Variants in NRP1 observed in about 807,000 individuals in gnomAD.
The protein encoded by NRP1 is neuropilin-1.
A neutral mutation model predicts 106.7 loss-of-function variants in NRP1; 35 were observed. The ratio of observed to expected loss-of-function variants is 0.33; its 90% CI spans 0.25 to 0.43. NRP1 has a LOEUF of 0.43. Among genes scored for constraint, NRP1 ranks in the 20% least tolerant of loss-of-function variants. The pLI is 1.00. For synonymous variants in NRP1, 437 were observed against 417.9 expected (o/e 1.05, Z -0.56); for missense variants, 1,024 against 1,170.4 (o/e 0.87, Z 1.83).
At chr10:33,258,006 C>CCTTT (rs1842318132) in intron 4 of NRP1, among the ~76,000 whole-genome samples, 2 of 152,132 alleles carry the variant, frequency 1.3e-5, no homozygotes, top group South Asian at 4.2e-4. Context: ...GAGGGAGGGG[C>CCTTT]CTTTAACAGG....
intron 5 of NRP1, 82 bp from the exon 6 acceptor site, chr10:33,254,276 A>G: frequency 1.6e-6 from 2 of 1,244,328 alleles, no homozygotes; most frequent in East Asian, 4.7e-5. Context: ...GATACACCAA[A>G]GAGTTCTTTC....
intron 6 of NRP1, among the ~76,000 whole-genome samples, chr10:33,236,748 T>C (rs1840586540): frequency 6.6e-6 from 1 of 152,202 alleles, no homozygotes; most frequent in Non-Finnish European, 1.5e-5. Context: ...GGTAGCAGAA[T>C]TGGTGATCTC....
At chr10:33,314,631 T>A (rs1406546351) in intron 2 of NRP1, among the ~76,000 whole-genome samples, 1 of 152,036 alleles carries the variant, frequency 6.6e-6, no homozygotes, top group Non-Finnish European at 1.5e-5. Flanking sequence ...CATGAACACA[T>A]TGTGCCACAC....
intron 12 of NRP1, 74 bp from the exon 13 acceptor site, chr10:33,192,492 CCTTGGTTCA>C: frequency 6.6e-7 from 1 of 1,504,712 alleles, no homozygotes; most frequent in South Asian, 1.2e-5. Context: ...TCACAAAGGC[CCTTGGTTCA>C]CTCATGGAAA....
intron 6 of NRP1, among the ~76,000 whole-genome samples, chr10:33,242,191 C>T (rs1175503587): frequency 1.3e-5 from 2 of 152,096 alleles, no homozygotes; most frequent in Non-Finnish European, 2.9e-5. Context: ...ATGTAAGATG[C>T]TCAATAAATG....
intron 2 of NRP1, among the ~76,000 whole-genome samples, chr10:33,327,566 A>G (rs2132941421): frequency 6.6e-6 from 1 of 152,280 alleles, no homozygotes; most frequent in East Asian, 1.9e-4. Flanking sequence ...ATAAAGTACA[A>G]AAAAACCCTA....
At chr10:33,263,951 C>G in intron 3 of NRP1, 78 bp from the exon 4 acceptor site, 1 of 900,124 alleles carries the variant, frequency 1.1e-6, no homozygotes, top group East Asian at 2.4e-5. Context: ...TGGGTAAAGA[C>G]AGAACATCTT....
chr10:33,225,185 G>C (rs1389084064), intron 7 of NRP1, among the ~76,000 whole-genome samples: 3 of 152,124 alleles, frequency 2.0e-5, no homozygotes, highest in Non-Finnish European at 4.4e-5. Context: ...CATCTTGCCT[G>C]CCCTGTCCGA....
chr10:33,197,532 C>T (rs1051149641), intron 12 of NRP1, 118 bp downstream of exon 12: 3 of 637,336 alleles, frequency 4.7e-6, no homozygotes, highest in South Asian at 2.9e-5. Context: ...GCTTGGAGAC[C>T]AGATGCTGTG....
intron 6 of NRP1, among the ~76,000 whole-genome samples, chr10:33,238,637 A>T (rs1318166692): frequency 3.3e-5 from 5 of 152,216 alleles, no homozygotes; most frequent in African/African-American, 1.2e-4. Context: ...TGATGCAGGC[A>T]GCATATGGTG....
intron 2 of NRP1, among the ~76,000 whole-genome samples, chr10:33,279,940 T>C (rs75731135): frequency 0.037 from 5,703 of 152,286 alleles, 166 homozygotes; most frequent in Non-Finnish European, 0.061. Context: ...ATAGGCATTG[T>C]TCACAATGAA....
chr10:33,276,880 G>A (rs1843734298), intron 2 of NRP1, among the ~76,000 whole-genome samples: 1 of 152,070 alleles, frequency 6.6e-6, no homozygotes, highest in African/African-American at 2.4e-5. Context: ...AAAGACATAT[G>A]TCCCATAATT....
At chr10:33,217,662 T>G (rs1838885584) in intron 8 of NRP1, among the ~76,000 whole-genome samples, 1 of 152,220 alleles carries the variant, frequency 6.6e-6, no homozygotes, top group Non-Finnish European at 1.5e-5. Flanking sequence ...AATTTTTTAG[T>G]ACACATATGT....
chr10:33,285,432 CAAAT>C (rs1321943855), intron 2 of NRP1, among the ~76,000 whole-genome samples: 1 of 152,198 alleles, frequency 6.6e-6, no homozygotes, highest in African/African-American at 2.4e-5. Context: ...TGATGAAAGA[CAAAT>C]CATGACATCT....
intron 6 of NRP1, among the ~76,000 whole-genome samples, chr10:33,232,373 A>G (rs1302809520): frequency 6.6e-6 from 1 of 152,142 alleles, no homozygotes; most frequent in African/African-American, 2.4e-5. Context: ...CAGCTGCTTT[A>G]TTTTTAATTA....
chr10:33,259,530 C>T (rs1479476415), intron 4 of NRP1, among the ~76,000 whole-genome samples: 7 of 151,762 alleles, frequency 4.6e-5, no homozygotes, highest in Non-Finnish European at 7.4e-5. Flanking sequence ...ACCGAAGCGC[C>T]GAGGAGATGA....
intron 3 of NRP1, among the ~76,000 whole-genome samples, chr10:33,264,625 T>C (rs1842799415): frequency 6.6e-6 from 1 of 152,186 alleles, no homozygotes; most frequent in African/African-American, 2.4e-5. Context: ...AATGCATATA[T>C]TTATAATGTG....
At position 33,186,314 on chromosome 10, in the gene NRP1, T is replaced by C. The variant is rs1836001338; in HGVS notation, c.2237A>G (p.Glu746Gly). 1 of 1,614,040 alleles carries C rather than the reference T, an allele frequency of 6.2e-7. No individual in the cohort carries two copies. The highest frequency in any genetic ancestry group is 1.7e-5 in the Admixed American group (1 of 59,994). Residue 746 changes from glutamate (E) to glycine (G), a missense_variant, in exon 14 of 17, where the codon GAG (glutamate) becomes GGG (glycine). This residue lies in a region of NRP1 where 562 missense variants were observed against 620.3 expected (regional missense o/e 0.91). Coordinates refer to ENST00000374867, the MANE Select transcript of NRP1 (RefSeq NM_003873.7). ...LRVKLRYQKP[E>G]EYDQLVWMAI... ...CATCCAGACCAGCTGATCGTACTCC[T>C]CTGGCTTCTGGTAGCGCAGTTTGAC... is the stretch of plus-strand genomic sequence containing the variant.
chr10:33,282,131 T>TC (rs1173026833), intron 2 of NRP1, among the ~76,000 whole-genome samples: 1 of 151,820 alleles, frequency 6.6e-6, no homozygotes, highest in Non-Finnish European at 1.5e-5. Context: ...ATAGTATGTT[T>TC]TTTTTTTTTA....
Sources: allele counts gnomAD v4.1 joint callset (sites outside exome capture counted in the v4.1 genomes callset), GRCh38; gene constraint gnomAD v4.1.1; regional missense constraint gnomAD v4.1.1; transcripts MANE v1.5; gene names NCBI Gene and HGNC (gene_info 2026-07-23, HGNC 2026-07-21).